CDH13: variants seen among roughly 807,000 people sequenced by gnomAD.
CDH13 encodes the protein cadherin 13.
A neutral mutation model predicts 63.8 loss-of-function variants in CDH13; 24 were observed. The observed-to-expected ratio is 0.38, with a 90% CI of 0.27 to 0.53. The LOEUF (loss-of-function observed/expected upper bound fraction) is 0.53, where lower values mean the gene tolerates loss of function less well. Among genes scored for constraint, CDH13 ranks in the 20% least tolerant of loss-of-function variants. The probability of loss-of-function intolerance (pLI) is 0.85; values close to 1 mark genes in which losing one functional copy is unlikely to be tolerated. For missense variants in CDH13, 1,049 were observed against 903.1 expected, an observed-to-expected ratio of 1.16 and a Z score of -2.07; for synonymous variants, 503 against 355.3, an observed-to-expected ratio of 1.42 and a Z score of -4.67.
In CDH13 at chr16:83,741,241, T is replaced by C. The variant is rs1912030081; in HGVS notation, c.1539-6867T>C. Among the ~76,000 whole-genome samples, 3 of 152,310 alleles carry C rather than the reference T, an allele frequency of 2.0e-5. No homozygotes were observed. The South Asian group carries it at 6.2e-4, about 32-fold the overall frequency. ...CATGAGCTATTTTAAGATAGTGTAT[T>C]TCCTTCAATTGGGAGTTCTGTCTCT... On this transcript the variant is annotated intron_variant, in intron 10 of 13. Transcript: ENST00000567109.
chr16:83,133,907 A>C (rs916784017), intron 4 of CDH13, among the ~76,000 whole-genome samples: 1 of 152,212 alleles, frequency 6.6e-6, no homozygotes, highest in African/African-American at 2.4e-5. Flanking sequence ...ACTGTAATTC[A>C]TCAGATGCGG....
chr16:83,274,250 C>T (rs2088914918), intron 5 of CDH13, among the ~76,000 whole-genome samples: 1 of 152,212 alleles, frequency 6.6e-6, no homozygotes, highest in Non-Finnish European at 1.5e-5. Context: ...AGGCTGGTTT[C>T]AGCCAAGGCT....
chr16:83,430,809 C>T (rs1029820023), intron 6 of CDH13, among the ~76,000 whole-genome samples: 2 of 152,084 alleles, frequency 1.3e-5, no homozygotes, highest in African/African-American at 4.8e-5. Context: ...CTACTTTAAT[C>T]TACACACCAG....
At chr16:83,041,145 G>A (rs1567773081) in intron 3 of CDH13, among the ~76,000 whole-genome samples, 3 of 152,122 alleles carry the variant, frequency 2.0e-5, no homozygotes, top group African/African-American at 2.4e-5. Context: ...GTCAATACAA[G>A]TTGCCTCAAT....
At chr16:83,774,083 A>C (rs1022283151) in intron 11 of CDH13, among the ~76,000 whole-genome samples, 3 of 152,138 alleles carry the variant, frequency 2.0e-5, no homozygotes, top group Non-Finnish European at 4.4e-5. Context: ...AGATCTACTC[A>C]ACTCTATAAT....
chr16:83,307,389 C>T (rs1236547837), intron 5 of CDH13, among the ~76,000 whole-genome samples: 2 of 152,202 alleles, frequency 1.3e-5, no homozygotes, highest in Non-Finnish European at 2.9e-5. Context: ...GGCAGTGCTA[C>T]CTCACTTCCT....
At chr16:83,031,199 GCGCATGTATACACCATATACA>G in intron 2 of CDH13, among the ~76,000 whole-genome samples, 1 of 147,368 alleles carries the variant, frequency 6.8e-6, no homozygotes, top group African/African-American at 2.5e-5. Flanking sequence ...CCATATACAT[GCGCATGTATACACCATATACA>G]TGCGCATGTA....
At chr16:82,866,616 G>A (rs1441411573) in intron 2 of CDH13, among the ~76,000 whole-genome samples, 4 of 151,730 alleles carry the variant, frequency 2.6e-5, no homozygotes, top group African/African-American at 4.8e-5. Context: ...TCTCGTATTA[G>A]TCTGTTTTCA....
chr16:83,761,848 C>T (rs1052400543), intron 11 of CDH13, among the ~76,000 whole-genome samples: 5 of 152,140 alleles, frequency 3.3e-5, no homozygotes, highest in Non-Finnish European at 7.4e-5. Context: ...AGGTGGGTCA[C>T]TTAAGGTCAG....
At chr16:83,056,008 C>G (rs1396832298) in intron 3 of CDH13, among the ~76,000 whole-genome samples, 1 of 152,030 alleles carries the variant, frequency 6.6e-6, no homozygotes, top group Non-Finnish European at 1.5e-5. Context: ...AAAAATATAA[C>G]AAAAGGGCAG....
intron 2 of CDH13, among the ~76,000 whole-genome samples, chr16:82,999,966 T>C (rs560129401): frequency 3.9e-5 from 6 of 152,070 alleles, no homozygotes; most frequent in Non-Finnish European, 5.9e-5. Context: ...TGCTGGCATC[T>C]TGTGGGTAGA....
At chr16:83,094,593 C>A (rs1305029943) in intron 3 of CDH13, among the ~76,000 whole-genome samples, 3 of 152,142 alleles carry the variant, frequency 2.0e-5, no homozygotes, top group Non-Finnish European at 4.4e-5. Flanking sequence ...CAGCAGAAGG[C>A]AAGGCCTCTT....
chr16:83,282,561 A>T (rs1378888219), intron 5 of CDH13, among the ~76,000 whole-genome samples: 2 of 152,232 alleles, frequency 1.3e-5, no homozygotes, highest in Non-Finnish European at 2.9e-5. Context: ...GGAGATCATA[A>T]GGTTATAAAA....
chr16:83,526,852 C>A (rs2074973745), intron 7 of CDH13, among the ~76,000 whole-genome samples: 1 of 152,160 alleles, frequency 6.6e-6, no homozygotes, highest in Non-Finnish European at 1.5e-5. Context: ...GGAATTCAGG[C>A]CAGGGATGGT....
At chr16:82,917,884 C>T (rs1012993851) in intron 2 of CDH13, among the ~76,000 whole-genome samples, 1 of 142,896 alleles carries the variant, frequency 7.0e-6, no homozygotes, top group South Asian at 2.2e-4. Context: ...TACTGCACTC[C>T]AGCCTGGGCA....
chr16:83,559,717 A>T (rs2075668158), intron 7 of CDH13, among the ~76,000 whole-genome samples: 2 of 152,066 alleles, frequency 1.3e-5, no homozygotes, highest in Admixed American at 6.6e-5. Flanking sequence ...TTTCACCTTA[A>T]TTCTAACCAC....
At chr16:82,878,570 A>C in intron 2 of CDH13, among the ~76,000 whole-genome samples, 1 of 151,094 alleles carries the variant, frequency 6.6e-6, no homozygotes, top group Non-Finnish European at 1.5e-5. Context: ...TTTATTCCAG[A>C]ACCCCTTCTG....
chr16:83,673,388 C>T (rs770248092), intron 9 of CDH13, among the ~76,000 whole-genome samples: 26 of 152,120 alleles, frequency 1.7e-4, no homozygotes, highest in Non-Finnish European at 3.5e-4. Context: ...GTACTACCCT[C>T]CTCGCTCCAG....
intron 13 of CDH13, chr16:83,790,073 T>C (rs1916159472): frequency 6.8e-6 from 1 of 147,324 alleles, no homozygotes. Context: ...AACATGCTGA[T>C]GTGTGGGGCT....
Sources: gnomAD v4.1 joint callset for allele counts (sites outside exome capture counted in the v4.1 genomes callset) on GRCh38, gnomAD v4.1.1 for gene constraint, MANE v1.5 for transcripts, NCBI Gene and HGNC (gene_info 2026-07-23, HGNC 2026-07-21) for gene names.